PRUNE2: variants seen among roughly 807,000 people sequenced by gnomAD.
PRUNE2 encodes prune homolog 2 with BCH domain.
PRUNE2 carries 164 observed loss-of-function variants against 252.0 expected under a neutral mutation model. The observed-to-expected ratio is 0.65, with a 90% CI of 0.57 to 0.74. PRUNE2 has a LOEUF of 0.74. Among genes scored for constraint, PRUNE2 ranks in the 30% least tolerant of loss-of-function variants. The pLI is 0.00. For synonymous variants in PRUNE2, 1,292 were observed against 1,350.2 expected (o/e 0.96, Z 0.94); for missense variants, 3,495 against 3,711.0 (o/e 0.94, Z 1.51).
chr9:76,758,076 A>G (rs2051326998), intron 6 of PRUNE2, among the ~76,000 whole-genome samples: 2 of 152,210 alleles, frequency 1.3e-5, no homozygotes, highest in African/African-American at 4.8e-5. Flanking sequence ...CAATCAGGAG[A>G]CTATAACAAA....
At chr9:76,880,682 T>C (rs556705024) in intron 1 of PRUNE2, among the ~76,000 whole-genome samples, 1 of 152,230 alleles carries the variant, frequency 6.6e-6, no homozygotes, top group African/African-American at 2.4e-5. Flanking sequence ...GCATAAAGCA[T>C]GTCTTTTGCA....
At chr9:76,781,853 C>G (rs942083697) in intron 6 of PRUNE2, among the ~76,000 whole-genome samples, 4 of 152,128 alleles carry the variant, frequency 2.6e-5, no homozygotes, top group East Asian at 3.9e-4. Flanking sequence ...CCAACGTGTA[C>G]AGCAAAATGA....
At chr9:76,862,648 C>T (rs1042818482) in intron 1 of PRUNE2, 21 of 152,100 alleles carry the variant, frequency 1.4e-4, no homozygotes, top group Non-Finnish European at 7.4e-5. Context: ...ACACTCACGT[C>T]ACCTAAGGTT....
At chr9:76,673,644 A>G (rs1299109636) in intron 9 of PRUNE2, among the ~76,000 whole-genome samples, 2 of 150,418 alleles carry the variant, frequency 1.3e-5, no homozygotes, top group African/African-American at 4.9e-5. Flanking sequence ...ACATTGATGC[A>G]AAAATCCTCA....
chr9:76,780,081 G>A (rs918696750), intron 6 of PRUNE2, among the ~76,000 whole-genome samples: 2 of 152,108 alleles, frequency 1.3e-5, no homozygotes, highest in Non-Finnish European at 2.9e-5. Context: ...TGTCTTTGTT[G>A]CCTTTTAATT....
intron 1 of PRUNE2, among the ~76,000 whole-genome samples, chr9:76,882,843 A>C (rs12347088): frequency 0.022 from 3,397 of 152,202 alleles, 126 homozygotes; most frequent in African/African-American, 0.079. Flanking sequence ...GCATGGAGGT[A>C]ATTTTTGTTT....
intron 1 of PRUNE2, among the ~76,000 whole-genome samples, chr9:76,875,366 T>G (rs1482698776): frequency 2.0e-5 from 3 of 152,112 alleles, no homozygotes; most frequent in Non-Finnish European, 4.4e-5. Flanking sequence ...GTTTTTTGTT[T>G]GTTTGTTTGT....
At chr9:76,864,559 T>C (rs150259427) in intron 1 of PRUNE2, among the ~76,000 whole-genome samples, 4 of 152,196 alleles carry the variant, frequency 2.6e-5, no homozygotes, top group African/African-American at 4.8e-5. Context: ...GGTAGGACAA[T>C]AGCACCAAAA....
Position 76,709,658 on chromosome 9 carries a change from G to C in PRUNE2, c.2616C>G (p.Ser872=). 1.2e-6 allele frequency: 2 copies of C among 1,613,934 alleles called. No individual in the cohort carries two copies. Among genetic ancestry groups the C allele is most frequent in the Non-Finnish European group, 1.7e-6 (2 of 1,179,886 alleles). The change falls in exon 8 of 19, where the codon TCC becomes TCG. Residue 872 remains serine (S), a synonymous_variant. Transcript: ENST00000376718. ...TTCCAGGTGCAAAGATGTGATCCCT[G>C]GAGTCATTGTTTTTCTTGCCCCAGA... is the stretch of plus-strand genomic sequence containing the variant. ...PEIWGKKNND[S]RDHIFAPGNP...
chr9:76,893,500 C>A (rs1213445800), intron 1 of PRUNE2, among the ~76,000 whole-genome samples: 1 of 152,162 alleles, frequency 6.6e-6, no homozygotes, highest in Non-Finnish European at 1.5e-5. Flanking sequence ...GAATATAAAT[C>A]CTGCTGAAAG....
intron 6 of PRUNE2, chr9:76,733,504 G>A (rs2048811759): frequency 6.6e-6 from 1 of 152,042 alleles, no homozygotes; most frequent in Admixed American, 6.6e-5. Flanking sequence ...GACCCTCTGG[G>A]CCCCAGTGGT....
At position 76,707,870 on chromosome 9, in the gene PRUNE2, T is replaced by C. The variant is rs1439911866; in HGVS notation, c.4404A>G (p.Glu1468=). Residue 1468 remains glutamate (E), a synonymous_variant, in exon 8 of 19, where the codon GAA becomes GAG. Coordinates refer to ENST00000376718, the MANE Select transcript of PRUNE2 (RefSeq NM_015225.3). ...VPEKDLEKTE[E]CNFLEPENVG... Reference sequence around the variant, plus strand: ...CGTTCTCTGGCTCTAGAAAGTTACATTCTTCAGTTTTCTCAAGATCCTTTT... The same window carrying C: ...CGTTCTCTGGCTCTAGAAAGTTACACTCTTCAGTTTTCTCAAGATCCTTTT... 3.7e-6 allele frequency: 6 copies of C among 1,613,788 alleles called. No homozygotes were observed. Among genetic ancestry groups the C allele is most frequent in the Non-Finnish European group, 5.1e-6 (6 of 1,179,798 alleles).
At chr9:76,680,879 G>C (rs577502640) in intron 9 of PRUNE2, among the ~76,000 whole-genome samples, 17 of 152,212 alleles carry the variant, frequency 1.1e-4, no homozygotes, top group Admixed American at 1.0e-3. Flanking sequence ...TCAAACAACC[G>C]GATCTCGTGA....
chr9:76,885,104 C>T (rs540887520), intron 1 of PRUNE2, among the ~76,000 whole-genome samples: 7 of 152,274 alleles, frequency 4.6e-5, no homozygotes, highest in Non-Finnish European at 8.8e-5. Flanking sequence ...AGGAGCTCCC[C>T]ACTTTGAAAC....
At chr9:76,897,015 G>A (rs1373693831) in intron 1 of PRUNE2, among the ~76,000 whole-genome samples, 1 of 152,192 alleles carries the variant, frequency 6.6e-6, no homozygotes, top group African/African-American at 2.4e-5. Flanking sequence ...GGCATGCAGT[G>A]AGAACAATCT....
chr9:76,895,666 T>C (rs1428802382), intron 1 of PRUNE2, among the ~76,000 whole-genome samples: 1 of 152,238 alleles, frequency 6.6e-6, no homozygotes, highest in Non-Finnish European at 1.5e-5. Flanking sequence ...GCATCAGATA[T>C]GTACTTTATG....
intron 6 of PRUNE2, among the ~76,000 whole-genome samples, chr9:76,812,831 G>A (rs967159613): frequency 6.6e-5 from 10 of 152,198 alleles, no homozygotes; most frequent in African/African-American, 2.4e-4. Context: ...CGGAGCTGAC[G>A]TGTAACTGTT....
chr9:76,698,079 G>A (rs1276825503), intron 9 of PRUNE2, among the ~76,000 whole-genome samples: 1 of 150,666 alleles, frequency 6.6e-6, no homozygotes, highest in South Asian at 2.1e-4. Flanking sequence ...CAAAGTTTTG[G>A]TCTTTCACCC....
At chr9:76,662,034 C>A (rs1171726842) in intron 9 of PRUNE2, among the ~76,000 whole-genome samples, 1 of 152,012 alleles carries the variant, frequency 6.6e-6, no homozygotes, top group East Asian at 1.9e-4. Flanking sequence ...AAAAAACACA[C>A]GTGTAAGTAA....
Sources: allele counts gnomAD v4.1 joint callset (sites outside exome capture counted in the v4.1 genomes callset), GRCh38; gene constraint gnomAD v4.1.1; transcripts MANE v1.5; gene names NCBI Gene and HGNC (gene_info 2026-07-23, HGNC 2026-07-21).